Variants in GRB10 observed in about 807,000 individuals in gnomAD.
The protein encoded by GRB10 is growth factor receptor-bound protein 10.
Under a neutral mutation model 80.9 loss-of-function variants are expected in GRB10, and 20 were observed. That is an observed-to-expected ratio of 0.25 (90% CI 0.17 to 0.36). The LOEUF is 0.36. Ranked by LOEUF, GRB10 falls within the 10% of genes least tolerant of loss-of-function variation. The probability of loss-of-function intolerance (pLI) is 1.00; values close to 1 mark genes in which losing one functional copy is unlikely to be tolerated. For synonymous variants in GRB10, 291 were observed against 291.5 expected (o/e 1.00, Z 0.02); for missense variants, 548 against 747.7 (o/e 0.73, Z 3.12).
intron 2 of GRB10, among the ~76,000 whole-genome samples, chr7:50,774,486 C>T (rs1208038126): frequency 6.6e-6 from 1 of 152,158 alleles, no homozygotes; most frequent in Non-Finnish European, 1.5e-5. Context: ...CTTGCTGTGC[C>T]CTCACATGGC....
upstream of GRB10, among the ~76,000 whole-genome samples, chr7:50,785,958 A>C (rs1426704561): frequency 6.6e-6 from 1 of 152,232 alleles, no homozygotes; most frequent in Non-Finnish European, 1.5e-5. Context: ...AACTGTAACA[A>C]ATGTACAGGA....
chr7:50,629,809 G>C (rs1290609324), intron 7 of GRB10, among the ~76,000 whole-genome samples: 1 of 152,190 alleles, frequency 6.6e-6, no homozygotes, highest in Non-Finnish European at 1.5e-5. Flanking sequence ...CCTGAGCACT[G>C]CTGGGGGCTC....
intron 7 of GRB10, among the ~76,000 whole-genome samples, chr7:50,649,495 T>C (rs1415638045): frequency 6.6e-6 from 1 of 152,096 alleles, no homozygotes; most frequent in Non-Finnish European, 1.5e-5. Flanking sequence ...TAGAACACAG[T>C]GACGACACAC....
chr7:50,727,495 G>T (rs1489528887), intron 4 of GRB10, among the ~76,000 whole-genome samples: 1 of 152,154 alleles, frequency 6.6e-6, no homozygotes, highest in East Asian at 1.9e-4. Flanking sequence ...AACATTTAAA[G>T]AATAGAGTTT....
At chr7:50,705,199 G>T in intron 4 of GRB10, 1 of 985,796 alleles carries the variant, frequency 1.0e-6, no homozygotes, top group Non-Finnish European at 1.2e-6. Flanking sequence ...CTCACAATGG[G>T]GGGAAGCAGA....
At chr7:50,661,454 C>T (rs1034112518) in intron 7 of GRB10, among the ~76,000 whole-genome samples, 5 of 152,214 alleles carry the variant, frequency 3.3e-5, no homozygotes, top group Admixed American at 2.0e-4. Context: ...CATTATGTAG[C>T]TGCACGAGAA....
chr7:50,732,454 T>A, intron 3 of GRB10, 86 bp from the exon 4 acceptor site: 1 of 819,442 alleles, frequency 1.2e-6, no homozygotes, highest in Non-Finnish European at 2.0e-6. Context: ...GTGACATGTC[T>A]GAATGGGCAG....
At chr7:50,717,454 T>A (rs1450115604) in intron 4 of GRB10, among the ~76,000 whole-genome samples, 2 of 151,288 alleles carry the variant, frequency 1.3e-5, no homozygotes, top group Non-Finnish European at 3.0e-5. Context: ...TTGAAGAGTG[T>A]GTGTGTGTGT....
chr7:50,616,133 C>T (rs1173043667), intron 11 of GRB10, 77 bp downstream of exon 11: 1 of 1,552,122 alleles, frequency 6.4e-7, no homozygotes, highest in Non-Finnish European at 8.9e-7. Flanking sequence ...AAAAATGAAG[C>T]CCAGGTTCAC....
chr7:50,646,880 C>T (rs73344881), intron 7 of GRB10, among the ~76,000 whole-genome samples: 12,396 of 152,188 alleles, frequency 0.081, 1,735 homozygotes, highest in African/African-American at 0.28. Flanking sequence ...CCTGCTGCTA[C>T]GGGCACCAAT....
chr7:50,693,466 A>C (rs2063068613), intron 5 of GRB10, among the ~76,000 whole-genome samples: 1 of 152,250 alleles, frequency 6.6e-6, no homozygotes, highest in Admixed American at 6.5e-5. Context: ...AAAACCAAGA[A>C]AAGAAGCTAA....
chr7:50,594,678 A>C (rs1475233669), intron 18 of GRB10, among the ~76,000 whole-genome samples: 1 of 152,120 alleles, frequency 6.6e-6, no homozygotes, highest in Non-Finnish European at 1.5e-5. Flanking sequence ...TTGTATTCTC[A>C]ACTAAACTGA....
In GRB10 at chr7:50,732,360, C is replaced by T; in HGVS notation, c.-38G>A. The T allele has an allele frequency of 6.3e-7, 1 of 1,579,004 alleles. No individual in the cohort carries two copies. The highest frequency in any genetic ancestry group is 8.7e-7 in the Non-Finnish European group (1 of 1,148,222). On this transcript the variant is annotated 5_prime_UTR_variant, in exon 4 of 19. Coordinates refer to ENST00000401949, the MANE Select transcript of GRB10 (RefSeq NM_001350814.2). ...CCTTCTTCAAATTACATTTACTGCG[C>T]TGCAGCACCTGGAATAAAGACAGAC... is the stretch of plus-strand genomic sequence containing the variant.
intron 4 of GRB10, among the ~76,000 whole-genome samples, chr7:50,718,335 T>A (rs1482751407): frequency 6.6e-6 from 1 of 152,212 alleles, no homozygotes; most frequent in African/African-American, 2.4e-5. Flanking sequence ...GTCAGCCATC[T>A]GCATGGGTTA....
chr7:50,590,274 T>G lies in GRB10; in HGVS notation c.*2678A>C, dbSNP rs2045705126. ...AAAACGTTTATACACGCCAGGCCAA[T>G]TTACAGTCACTGCAGTTTGCACTGT... is the stretch of plus-strand genomic sequence containing the variant. On this transcript the variant is annotated 3_prime_UTR_variant, in exon 19 of 19. Coordinates refer to ENST00000401949, the MANE Select transcript of GRB10 (RefSeq NM_001350814.2). 1 of 152,196 alleles carries G rather than the reference T, an allele frequency of 6.6e-6. No homozygotes were observed. The highest frequency in any genetic ancestry group is 2.4e-5 in the African/African-American group (1 of 41,436). The allele number at this position is 152,196 out of a possible 1,614,324, so 9.4% of individuals were successfully genotyped here. A position where few individuals can be genotyped will look rare whatever the true frequency, so the allele number is the denominator to read the frequency against.
intron 8 of GRB10, among the ~76,000 whole-genome samples, chr7:50,621,084 T>G (rs919854335): frequency 6.6e-6 from 1 of 152,198 alleles, no homozygotes; most frequent in African/African-American, 2.4e-5. Context: ...CAAAGAACCC[T>G]GAGGAGAGCC....
At chr7:50,701,615 G>A (rs1035239705) in intron 5 of GRB10, among the ~76,000 whole-genome samples, 2 of 152,176 alleles carry the variant, frequency 1.3e-5, no homozygotes, top group African/African-American at 4.8e-5. Flanking sequence ...ATAATCATTC[G>A]TTTGGTGAAG....
intron 7 of GRB10, among the ~76,000 whole-genome samples, chr7:50,666,128 T>C (rs143253141): frequency 6.6e-6 from 1 of 152,286 alleles, no homozygotes; most frequent in African/African-American, 2.4e-5. Context: ...TCCTTCTAGA[T>C]AGAATAATGG....
At chr7:50,678,101 G>A (rs967039775) in intron 5 of GRB10, among the ~76,000 whole-genome samples, 2 of 152,182 alleles carry the variant, frequency 1.3e-5, no homozygotes, top group Non-Finnish European at 2.9e-5. Flanking sequence ...AGCCCCCGGG[G>A]TCTCCTGTCC....
Sources: allele counts gnomAD v4.1 joint callset (sites outside exome capture counted in the v4.1 genomes callset), GRCh38; gene constraint gnomAD v4.1.1; transcripts MANE v1.5; gene names NCBI Gene and HGNC (gene_info 2026-07-23, HGNC 2026-07-21).